Variants in IQANK1 observed in about 807,000 individuals in gnomAD.
IQANK1 encodes the protein IQ motif and ankyrin repeat domain-containing protein 1.
A neutral mutation model predicts 22.6 loss-of-function variants in IQANK1; 30 were observed. The observed-to-expected ratio is 1.33, with a 90% CI of 0.99 to 1.80. The LOEUF (loss-of-function observed/expected upper bound fraction) is 1.80, where lower values mean the gene tolerates loss of function less well. Ranked by LOEUF, IQANK1 falls within the 40% of genes most tolerant of loss-of-function variation. The pLI is 0.00. For missense variants in IQANK1, 275 were observed against 235.2 expected (o/e 1.17, Z -1.11); for synonymous variants, 122 against 99.6 (o/e 1.23, Z -1.34).
Position 143,789,960 on chromosome 8 carries a change from T to C in IQANK1, c.1196-11T>C. On this transcript the variant is annotated splice_polypyrimidine_tract_variant and intron_variant, in intron 11 of 13. Coordinates refer to ENST00000527139, the MANE Select transcript of IQANK1 (RefSeq NM_001381874.1). Reference sequence around the variant, plus strand: ...GGCTTGCCTGTCAGCTGCACTCTGCTACCCCGACAGGGGAGGAAGAGGCGC... The same window carrying C: ...GGCTTGCCTGTCAGCTGCACTCTGCCACCCCGACAGGGGAGGAAGAGGCGC... 1.6e-6 allele frequency: 2 copies of C among 1,232,030 alleles called. No homozygotes were observed. Among genetic ancestry groups the C allele is most frequent in the Non-Finnish European group, 2.0e-6 (2 of 988,016 alleles). The allele number at this position is 1,232,030 out of a possible 1,614,324, so 76.3% of individuals were successfully genotyped here.
intron 3 of IQANK1, among the ~76,000 whole-genome samples, chr8:143,753,038 C>G (rs938471298): frequency 8.7e-6 from 1 of 114,624 alleles, no homozygotes; most frequent in Non-Finnish European, 1.7e-5. Context: ...GGGTCTCACT[C>G]TGTCACCTGG....
At chr8:143,756,584 G>A (rs781869524) in intron 3 of IQANK1, among the ~76,000 whole-genome samples, 8 of 152,116 alleles carry the variant, frequency 5.3e-5, no homozygotes, top group South Asian at 2.1e-4. Flanking sequence ...TGGTGCCATC[G>A]GTTCATGATG....
At chr8:143,742,090 A>C (rs1487534130) in intron 3 of IQANK1, 5 of 336,344 alleles carry the variant, frequency 1.5e-5, no homozygotes, top group African/African-American at 1.1e-4. Flanking sequence ...GAGCGTCCCC[A>C]CAGGATGCAG....
chr8:143,749,281 A>G (rs1166401002), intron 3 of IQANK1, among the ~76,000 whole-genome samples: 1 of 123,360 alleles, frequency 8.1e-6, no homozygotes, highest in African/African-American at 3.3e-5. Context: ...ATATAAATAT[A>G]TATAAAAATA....
chr8:143,789,706 T>C (rs1819982467), intron 10 of IQANK1, 55 bp from the exon 11 acceptor site: 3 of 1,225,132 alleles, frequency 2.4e-6, no homozygotes. Context: ...GCAGCTGCCC[T>C]CTCCAGCCAG....
chr8:143,785,446 G>A (rs1173218522), intron 7 of IQANK1, among the ~76,000 whole-genome samples: 1 of 151,876 alleles, frequency 6.6e-6, no homozygotes, highest in South Asian at 2.1e-4. Context: ...AGTAGAGATG[G>A]GGTTTTGCCA....
chr8:143,762,217 G>A (rs1819408100), intron 3 of IQANK1, among the ~76,000 whole-genome samples: 1 of 152,058 alleles, frequency 6.6e-6, no homozygotes, highest in African/African-American at 2.4e-5. Context: ...AGGCTGAGGT[G>A]GGAATCGCTT....
intron 7 of IQANK1, among the ~76,000 whole-genome samples, chr8:143,788,336 G>A (rs1819933283): frequency 6.6e-6 from 1 of 152,242 alleles, no homozygotes; most frequent in Non-Finnish European, 1.5e-5. Flanking sequence ...AGACAAGGAG[G>A]GCCAGGCACA....
chr8:143,748,886 C>CACAT (rs1554627639), intron 3 of IQANK1, among the ~76,000 whole-genome samples: 2 of 96,828 alleles, frequency 2.1e-5, no homozygotes, highest in African/African-American at 7.9e-5. Context: ...ATATATATAT[C>CACAT]ATAAATACTT....
At chr8:143,773,028 G>A (rs574070345) in intron 7 of IQANK1, among the ~76,000 whole-genome samples, 2 of 152,294 alleles carry the variant, frequency 1.3e-5, no homozygotes, top group Non-Finnish European at 1.5e-5. Context: ...CTGTCTGGCC[G>A]GGCGTGATGG....
intron 3 of IQANK1, chr8:143,742,007 T>G (rs1554626559): frequency 8.1e-6 from 2 of 246,372 alleles, no homozygotes; most frequent in Non-Finnish European, 1.6e-5. Context: ...CGGGGCCTGC[T>G]GGCTGACGTC....
intron 3 of IQANK1, among the ~76,000 whole-genome samples, chr8:143,748,621 A>G (rs1554627522): frequency 7.8e-6 from 1 of 127,866 alleles, no homozygotes; most frequent in African/African-American, 3.1e-5. Context: ...ATATAAATAT[A>G]TAATATATCA....
At position 143,788,948 on chromosome 8, in the gene IQANK1, C is replaced by T. The variant is rs1476670859; in HGVS notation, c.823C>T (p.Arg275Cys). ...ACTGGACACAGTGGTGAGCGTGCTG[C>T]GCTCGTGGGACCTGAGCCTCACGGA... ...ASLDTVVSVL[R>C]SWDLSLTEAM... Residue 275 changes from arginine to cysteine, a missense_variant, in exon 8 of 14, where the codon CGC becomes TGC. Arg to Cys is a radical substitution (Grantham distance 180). Coordinates refer to ENST00000527139, the MANE Select transcript of IQANK1 (RefSeq NM_001381874.1). The T allele has an allele frequency of 1.0e-5, 4 of 399,224 alleles. No homozygotes were observed. The East Asian group carries it at 1.4e-4, about 14-fold the overall frequency. The allele number at this position is 399,224 out of a possible 1,614,324, so 24.7% of individuals were successfully genotyped here. A position where few individuals can be genotyped will look rare whatever the true frequency, so the allele number is the denominator to read the frequency against.
At chr8:143,748,239 C>T (rs1428592170) in intron 3 of IQANK1, among the ~76,000 whole-genome samples, 1 of 151,416 alleles carries the variant, frequency 6.6e-6, no homozygotes, top group Non-Finnish European at 1.5e-5. Context: ...AAGTGATCTA[C>T]CCGACTTGGC....
intron 3 of IQANK1, among the ~76,000 whole-genome samples, chr8:143,770,811 G>A (rs757304258): frequency 6.6e-6 from 1 of 152,274 alleles, no homozygotes; most frequent in African/African-American, 2.4e-5. Context: ...TTAGAAAGCT[G>A]CAGGTATCGT....
rs550249878 is a variant in IQANK1 at position 143,783,524 on chromosome 8, C to G, written c.790-5391C>G. On this transcript the variant is annotated intron_variant, in intron 7 of 13. Transcript: ENST00000527139. ...TACATGTATTATAGGTGTCTTCTGT[C>G]TTACTTGCCTTTTCACTCACTTAAT... 1.2e-3 allele frequency among the ~76,000 whole-genome samples: 187 copies of G among 152,260 alleles called. 1 individual carries two copies. Among genetic ancestry groups the G allele is most frequent in the African/African-American group, 3.4e-3 (141 of 41,544 alleles).
rs1818693215 is a variant in IQANK1 at position 143,735,043 on chromosome 8, T to C, written c.-4-807T>C. 6.6e-6 allele frequency among the ~76,000 whole-genome samples: 1 copy of C among 152,214 alleles called. No individual in the cohort carries two copies. Among genetic ancestry groups the C allele is most frequent in the South Asian group, 2.1e-4 (1 of 4,830 alleles). ...CCCTTTCTGATGGTCATCAGTCGCC[T>C]TTCTCTTTGTTCCTCTTGCCATGTG... On this transcript the variant is annotated intron_variant, in intron 1 of 13. Transcript: ENST00000527139. This position sits in a 1 kb window ranked among gnomAD's most constrained non-coding sequence, Gnocchi z 5.2.
chr8:143,758,847 C>T lies in IQANK1; in HGVS notation c.176-12641C>T, dbSNP rs534183767. 3.1e-4 allele frequency: 48 copies of T among 156,772 alleles called. No individual in the cohort carries two copies. In the East Asian group the frequency reaches 4.0e-3, roughly 13 times the overall value. 9.7% of individuals were successfully genotyped at this position (156,772 alleles called of 1,614,324 possible). On this transcript the variant is annotated intron_variant, in intron 3 of 13. Coordinates refer to ENST00000527139, the MANE Select transcript of IQANK1 (RefSeq NM_001381874.1). This position sits in a 1 kb window ranked among gnomAD's most constrained non-coding sequence, Gnocchi z 4.2. ...TTCACAGAGGCCAAAGATGACAACACGAGAGGTGGTCAAAGCCAAGGTTTC... is the reference window on the plus strand; with the variant it reads ...TTCACAGAGGCCAAAGATGACAACATGAGAGGTGGTCAAAGCCAAGGTTTC...
In IQANK1 at chr8:143,735,227, G is replaced by A. The variant is rs1241096840; in HGVS notation, c.-4-623G>A. 5.9e-5 allele frequency among the ~76,000 whole-genome samples: 9 copies of A among 152,364 alleles called. No homozygotes were observed. The highest frequency in any genetic ancestry group is 2.9e-5 in the Non-Finnish European group (2 of 68,040). On this transcript the variant is annotated intron_variant, in intron 1 of 13. Transcript: ENST00000527139. The surrounding 1 kb of genome is among the most constrained non-coding windows in gnomAD (Gnocchi z 5.2). ...CAGCGGGTGAGGGGCATGGGGCACC[G>A]GGGAGGACCCGGACAGGCTGGGGCA...
Sources: gnomAD v4.1 joint callset for allele counts (sites outside exome capture counted in the v4.1 genomes callset) on GRCh38, gnomAD v4.1.1 for gene constraint, Gnocchi (gnomAD v3.1) non-coding constraint, MANE v1.5 for transcripts, NCBI Gene and HGNC (gene_info 2026-07-23, HGNC 2026-07-21) for gene names.